The following SPINK2 variants were observed in gnomAD, a reference collection of about 807,000 sequenced individuals.
SPINK2 encodes the protein serine peptidase inhibitor Kazal type 2, also known as serine protease inhibitor Kazal-type 2.
In SPINK2, 8 loss-of-function variants were observed where a neutral mutation model predicts 13.5. The ratio of observed to expected loss-of-function variants is 0.59; its 90% CI spans 0.35 to 1.07. The LOEUF (loss-of-function observed/expected upper bound fraction) is 1.07. Ranked by LOEUF, SPINK2 falls within the 50% of genes least tolerant of loss-of-function variation. The probability of loss-of-function intolerance (pLI) is 0.02; values close to 1 mark genes in which losing one functional copy is unlikely to be tolerated. For missense variants in SPINK2, 148 were observed against 180.3 expected (o/e 0.82, Z 1.03); for synonymous variants, 76 against 74.7 (o/e 1.02, Z -0.09).
chr4:56,820,638 G>T (rs1717857470), intron 1 of SPINK2, 59 bp from the exon 2 acceptor site: 3 of 1,399,296 alleles, frequency 2.1e-6, no homozygotes, highest in African/African-American at 1.4e-5. Flanking sequence ...TATTGTTCAT[G>T]AAGTTTTTTT....
intron 3 of SPINK2, 134 bp downstream of exon 3, chr4:56,811,551 A>G: frequency 2.5e-6 from 1 of 405,080 alleles, no homozygotes; most frequent in Non-Finnish European, 4.4e-6. Context: ...CAGGAGGCAG[A>G]GGTTGCAGTG....
chr4:56,815,088 AAAACAAAC>A lies in SPINK2; in HGVS notation c.250-3302_250-3295del, dbSNP rs752065919. The stretch of plus-strand genomic sequence containing the variant: ...GGACAAGGGTGAAACTCTGTCTCAA[AAAACAAAC>A]AAACAAACAAACAAAAAACACAGCA... On this transcript the variant is annotated intron_variant, in intron 2 of 3. Coordinates refer to ENST00000506738, the MANE Select transcript of SPINK2 (RefSeq NM_001271718.2). Among the ~76,000 whole-genome samples, 4 of 152,228 alleles carry A rather than the reference AAAACAAAC, an allele frequency of 2.6e-5. No individual in the cohort carries two copies. The South Asian group carries it at 6.2e-4, about 24-fold the overall frequency.
chr4:56,819,862 A>G (rs1717785078), intron 2 of SPINK2, among the ~76,000 whole-genome samples: 1 of 151,920 alleles, frequency 6.6e-6, no homozygotes, highest in African/African-American at 2.4e-5. Flanking sequence ...TGATCTGCCC[A>G]CCTCGGCCTC....
At chr4:56,813,301 C>A (rs116256885) in intron 2 of SPINK2, among the ~76,000 whole-genome samples, 107 of 152,256 alleles carry the variant, frequency 7.0e-4, no homozygotes, top group African/African-American at 2.5e-3. Context: ...CCCGCCTAGA[C>A]AACAACAGCG....
At chr4:56,821,830 C>G, upstream of SPINK2, 2 of 528,800 alleles carry the variant, frequency 3.8e-6, no homozygotes, top group East Asian at 5.1e-5. Flanking sequence ...AGAGGAGCGG[C>G]GGGAAGAGGA....
intron 3 of SPINK2, 127 bp from the exon 4 acceptor site, chr4:56,810,311 A>AGC: frequency 1.2e-6 from 1 of 805,150 alleles, no homozygotes; most frequent in South Asian, 1.9e-5. Context: ...CACTTATTTA[A>AGC]TCATTTTTTA....
chr4:56,819,203 T>G (rs1198518700), intron 2 of SPINK2, among the ~76,000 whole-genome samples: 2 of 152,164 alleles, frequency 1.3e-5, no homozygotes, highest in African/African-American at 4.8e-5. Context: ...TGATGCAGTA[T>G]AGGTAAGCAC....
At chr4:56,820,423 C>T in intron 2 of SPINK2, 113 bp downstream of exon 2, 1 of 751,984 alleles carries the variant, frequency 1.3e-6, no homozygotes, top group African/African-American at 1.8e-5. Flanking sequence ...GTTTTAAACG[C>T]AGTCCTCAAT....
chr4:56,814,715 A>G (rs1717282157), intron 2 of SPINK2, among the ~76,000 whole-genome samples: 1 of 151,976 alleles, frequency 6.6e-6, no homozygotes, highest in South Asian at 2.1e-4. Context: ...TAATCCCAGC[A>G]CTTTGGGAGG....
intron 1 of SPINK2, 58 bp downstream of exon 1, chr4:56,821,400 A>C: frequency 1.4e-6 from 2 of 1,451,078 alleles, no homozygotes; most frequent in South Asian, 2.8e-5. Context: ...GCAAGAACTA[A>C]AGAGGGTGGC....
rs1396392704 is a variant in SPINK2, at chr4:56,811,784, G to A, written c.260C>T (p.Ser87Phe). The A allele has an allele frequency of 6.9e-6, 11 of 1,605,594 alleles. No homozygotes were observed. The highest frequency in any genetic ancestry group is 8.5e-6 in the Non-Finnish European group (10 of 1,175,488). ...GGGACATCCTGGTAATCTATACTGA[G>A]AGCAGTTTGGCTGGAAAAAAGAAAG... is the stretch of plus-strand genomic sequence containing the variant. ...LFSKYRTPNC[S>F]QYRLPGCPRH... Residue 87 changes from serine to phenylalanine, a missense_variant, in exon 3 of 4, where the codon TCT (serine) becomes TTT (phenylalanine). Ser to Phe is a radical substitution (Grantham distance 155). Coordinates refer to ENST00000506738, the MANE Select transcript of SPINK2 (RefSeq NM_001271718.2).
intron 2 of SPINK2, among the ~76,000 whole-genome samples, chr4:56,817,934 T>C (rs1045640009): frequency 1.3e-5 from 2 of 151,312 alleles, no homozygotes; most frequent in South Asian, 2.1e-4. Context: ...GGTAGAAAAG[T>C]AGGCTGTGTC....
intron 2 of SPINK2, 144 bp from the exon 3 acceptor site, chr4:56,811,938 T>G (rs1024183681): frequency 7.3e-6 from 1 of 137,438 alleles, no homozygotes; most frequent in Non-Finnish European, 1.5e-5. Flanking sequence ...AAATTTTTTC[T>G]TTTTTTTTTT....
chr4:56,821,843 C>G (rs1323651854), upstream of SPINK2: 11 of 478,198 alleles, frequency 2.3e-5, no homozygotes, highest in Non-Finnish European at 3.6e-5. Context: ...GAAGAGGAGC[C>G]GTGAAGGGTC....
chr4:56,810,534 C>G (rs1431773503), intron 3 of SPINK2: 1 of 229,802 alleles, frequency 4.4e-6, no homozygotes, highest in East Asian at 1.4e-4. Context: ...GAATCCCCAC[C>G]TCTACTAAAA....
upstream of SPINK2, chr4:56,821,757 A>T: frequency 5.7e-6 from 7 of 1,217,824 alleles, no homozygotes; most frequent in Admixed American, 7.6e-5. Flanking sequence ...GGGCGGGGGA[A>T]GGGGCGGGGC....
intron 2 of SPINK2, among the ~76,000 whole-genome samples, chr4:56,815,247 A>G (rs1468047153): frequency 2.7e-5 from 4 of 150,200 alleles, no homozygotes; most frequent in Non-Finnish European, 5.9e-5. Context: ...ATTCTACTCA[A>G]TGGTAAAGGA....
intron 2 of SPINK2, among the ~76,000 whole-genome samples, chr4:56,815,126 A>G (rs1717331032): frequency 6.6e-6 from 1 of 152,012 alleles, no homozygotes; most frequent in Non-Finnish European, 1.5e-5. Flanking sequence ...ACAGCACTCA[A>G]CGAACCAGGA....
At chr4:56,811,344 C>T (rs527895792) in intron 3 of SPINK2, among the ~76,000 whole-genome samples, 6 of 152,178 alleles carry the variant, frequency 3.9e-5, no homozygotes, top group Non-Finnish European at 5.9e-5. Context: ...AGAGGTCAGG[C>T]GCGGTGGCTC....
Sources: gnomAD v4.1 joint callset for allele counts (sites outside exome capture counted in the v4.1 genomes callset) on GRCh38, gnomAD v4.1.1 for gene constraint, MANE v1.5 for transcripts, NCBI Gene and HGNC (gene_info 2026-07-23, HGNC 2026-07-21) for gene names.